The following GALNT10 variants were observed in gnomAD, a reference collection of about 807,000 sequenced individuals.
GALNT10 encodes GalNAc transferase 10.
Under a neutral mutation model 75.0 loss-of-function variants are expected in GALNT10, and 41 were observed. The observed-to-expected ratio is 0.55, with a 90% CI of 0.43 to 0.71. GALNT10 has a LOEUF of 0.71. Ranked by LOEUF, GALNT10 falls within the 30% of genes least tolerant of loss-of-function variation. The pLI, the probability that GALNT10 is intolerant of heterozygous loss-of-function variation, is 0.00. For missense variants in GALNT10, 727 were observed against 818.5 expected (o/e 0.89, Z 1.36); for synonymous variants, 302 against 313.0 (o/e 0.96, Z 0.37).
chr5:154,405,226 A>C (rs1181613912), intron 8 of GALNT10, among the ~76,000 whole-genome samples: 1 of 152,168 alleles, frequency 6.6e-6, no homozygotes, highest in Non-Finnish European at 1.5e-5. Flanking sequence ...GTAGAATTGC[A>C]GCCCCCGGGA....
intron 4 of GALNT10, among the ~76,000 whole-genome samples, chr5:154,341,549 A>G (rs930783339): frequency 1.3e-5 from 2 of 152,176 alleles, no homozygotes; most frequent in African/African-American, 4.8e-5. Flanking sequence ...TATGGTTTAG[A>G]ATATTCTAAA....
At chr5:154,355,347 CAATCAGGCCCTCTG>C (rs1755273528) in intron 4 of GALNT10, among the ~76,000 whole-genome samples, 1 of 152,236 alleles carries the variant, frequency 6.6e-6, no homozygotes, top group African/African-American at 2.4e-5. Flanking sequence ...AGGCCCAGGG[CAATCAGGCCCTCTG>C]CCTTCTGAGA....
intron 1 of GALNT10, among the ~76,000 whole-genome samples, chr5:154,271,461 C>T (rs975509301): frequency 2.6e-5 from 4 of 151,796 alleles, no homozygotes; most frequent in Non-Finnish European, 4.4e-5. Flanking sequence ...GACGAAACTC[C>T]GTCTCAAAAA....
At chr5:154,375,314 T>G (rs1392805819) in intron 4 of GALNT10, among the ~76,000 whole-genome samples, 2 of 152,228 alleles carry the variant, frequency 1.3e-5, no homozygotes, top group Non-Finnish European at 2.9e-5. Flanking sequence ...TTAAATATGA[T>G]GTATGCTGTA....
intron 3 of GALNT10, among the ~76,000 whole-genome samples, chr5:154,314,997 C>G (rs542940816): frequency 1.7e-4 from 26 of 152,034 alleles, no homozygotes; most frequent in African/African-American, 6.3e-4. Flanking sequence ...CCTTGCAAAT[C>G]GTGTAGAACA....
rs576072171 is a variant in GALNT10, at chr5:154,347,828, C to CA, written c.568+18092dup. Among the ~76,000 whole-genome samples the CA allele has an allele frequency of 5.9e-5, 9 of 152,332 alleles. No individual in the cohort carries two copies. In the East Asian group the frequency reaches 1.7e-3, roughly 29 times the overall value. On this transcript the variant is annotated intron_variant, in intron 4 of 11. Transcript: ENST00000297107. The stretch of plus-strand genomic sequence containing the variant: ...ACCAGACATTTTTCTACTTGGCTAT[C>CA]AATCCCCAAGTTTGATTTGCTGAGA...
chr5:154,406,905 G>A (rs578057614), intron 8 of GALNT10, among the ~76,000 whole-genome samples: 6 of 152,258 alleles, frequency 3.9e-5, no homozygotes, highest in East Asian at 1.9e-4. Context: ...TAATAGCTCC[G>A]AGAGAGCCAG....
chr5:154,298,068 C>T lies in GALNT10; in HGVS notation c.390C>T (p.Ile130=), dbSNP rs1754308448. 2 of 1,612,528 alleles carry T rather than the reference C, an allele frequency of 1.2e-6. No individual in the cohort carries two copies. Among genetic ancestry groups the T allele is most frequent in the African/African-American group, 2.7e-5 (2 of 74,820 alleles). ...CCTTGAATCGCTCTCTCCCAGATAT[C>T]CGGCACCCAAAGTGAGTGTAACATC... The part of the protein sequence containing the change: ...KISLNRSLPD[I]RHPNCNSKRY... The change falls in exon 3 of 12, where the codon ATC becomes ATT. Residue 130 remains isoleucine, a synonymous_variant. Coordinates refer to ENST00000297107, the MANE Select transcript of GALNT10 (RefSeq NM_198321.4). This position sits in a 1 kb window ranked among gnomAD's most constrained non-coding sequence, Gnocchi z 4.1.
chr5:154,294,437 A>C (rs1185346413), intron 1 of GALNT10, among the ~76,000 whole-genome samples: 4 of 152,362 alleles, frequency 2.6e-5, no homozygotes, highest in Non-Finnish European at 5.9e-5. Context: ...TACATTATTA[A>C]AACAACTTCA....
intron 1 of GALNT10, among the ~76,000 whole-genome samples, chr5:154,281,582 C>A (rs1415013179): frequency 6.6e-6 from 1 of 152,200 alleles, no homozygotes; most frequent in African/African-American, 2.4e-5. Context: ...AAATGCACAG[C>A]CAGGAAACTG....
At chr5:154,338,439 T>C in intron 4 of GALNT10, 1 of 358,990 alleles carries the variant, frequency 2.8e-6, no homozygotes, top group South Asian at 2.7e-5. Flanking sequence ...TTTAGCAGAC[T>C]CTGACTTAGA....
chr5:154,327,169 T>C (rs1023960666), intron 3 of GALNT10, among the ~76,000 whole-genome samples: 9 of 151,922 alleles, frequency 5.9e-5, no homozygotes, highest in African/African-American at 2.2e-4. Flanking sequence ...TGAGCCGAGA[T>C]TGTGTCACTG....
At chr5:154,282,839 T>C (rs1431815618) in intron 1 of GALNT10, among the ~76,000 whole-genome samples, 5 of 152,246 alleles carry the variant, frequency 3.3e-5, no homozygotes, top group African/African-American at 1.2e-4. Context: ...TCATTATTCA[T>C]TCATTCAACA....
At chr5:154,244,038 A>G (rs1753383580) in intron 1 of GALNT10, among the ~76,000 whole-genome samples, 1 of 152,230 alleles carries the variant, frequency 6.6e-6, no homozygotes, top group African/African-American at 2.4e-5. Context: ...TAGCAGCACC[A>G]GGAACCAGAA....
intron 1 of GALNT10, among the ~76,000 whole-genome samples, chr5:154,287,827 G>T (rs1229664464): frequency 1.3e-5 from 2 of 151,858 alleles, no homozygotes; most frequent in Non-Finnish European, 2.9e-5. Flanking sequence ...AACTTTATAT[G>T]CTTTGAGCTA....
intron 1 of GALNT10, among the ~76,000 whole-genome samples, chr5:154,281,550 T>C (rs912883978): frequency 5.9e-5 from 9 of 152,200 alleles, no homozygotes; most frequent in African/African-American, 2.2e-4. Flanking sequence ...CAAGGGGACC[T>C]GCCTAAGGTC....
chr5:154,206,066 G>T (rs1196479427), intron 1 of GALNT10, among the ~76,000 whole-genome samples: 1 of 152,108 alleles, frequency 6.6e-6, no homozygotes, highest in Non-Finnish European at 1.5e-5. Flanking sequence ...TGTTATATTT[G>T]TAGGCAGATA....
intron 3 of GALNT10, among the ~76,000 whole-genome samples, chr5:154,316,413 C>T (rs1272328508): frequency 6.6e-6 from 1 of 152,202 alleles, no homozygotes; most frequent in Non-Finnish European, 1.5e-5. Flanking sequence ...AGGCACCTTC[C>T]AACTCCAGTT....
At chr5:154,384,434 G>A (rs756415849) in intron 6 of GALNT10, among the ~76,000 whole-genome samples, 4 of 152,156 alleles carry the variant, frequency 2.6e-5, no homozygotes, top group Non-Finnish European at 5.9e-5. Flanking sequence ...GTTTTAACAT[G>A]TAACCAACAC....
Sources: allele counts gnomAD v4.1 joint callset (sites outside exome capture counted in the v4.1 genomes callset), GRCh38; gene constraint gnomAD v4.1.1; non-coding constraint Gnocchi (gnomAD v3.1); transcripts MANE v1.5; gene names NCBI Gene and HGNC (gene_info 2026-07-23, HGNC 2026-07-21).